Variants in ARAP2 observed in about 807,000 individuals in gnomAD.
ARAP2 encodes the protein arf-GAP with Rho-GAP domain, ANK repeat and PH domain-containing protein 2.
Under a neutral mutation model 194.5 loss-of-function variants are expected in ARAP2, and 148 were observed. The observed-to-expected ratio is 0.76, with a 90% confidence interval of 0.67 to 0.87. ARAP2 has a LOEUF of 0.87. ARAP2 is among the 40% of genes least tolerant of loss of function. The probability of loss-of-function intolerance (pLI) is 0.00; values close to 1 mark genes in which losing one functional copy is unlikely to be tolerated. For synonymous variants in ARAP2, 695 were observed against 683.5 expected (o/e 1.02, Z -0.26); for missense variants, 2,128 against 1,989.7 (o/e 1.07, Z -1.32).
chr4:36,198,907 G>A (rs1336235905), intron 6 of ARAP2, among the ~76,000 whole-genome samples: 3 of 152,210 alleles, frequency 2.0e-5, no homozygotes, highest in African/African-American at 4.8e-5. Context: ...AGAGCACAGG[G>A]AGGCCTGGAC....
intron 1 of ARAP2, among the ~76,000 whole-genome samples, chr4:36,235,930 G>C (rs187760715): frequency 6.6e-6 from 1 of 152,018 alleles, no homozygotes; most frequent in African/African-American, 2.4e-5. Context: ...TAATTGCAGC[G>C]CTTTGGGAGG....
intron 6 of ARAP2, among the ~76,000 whole-genome samples, chr4:36,196,192 T>C (rs990847741): frequency 6.6e-6 from 1 of 152,236 alleles, no homozygotes; most frequent in African/African-American, 2.4e-5. Flanking sequence ...TAAGATTAAC[T>C]GCAGCCACTC....
chr4:36,194,076 CT>C (rs759287230), intron 6 of ARAP2, among the ~76,000 whole-genome samples: 4 of 152,082 alleles, frequency 2.6e-5, no homozygotes, highest in Non-Finnish European at 5.9e-5. Flanking sequence ...AATAACAAGG[CT>C]TTGTCAATTG....
At chr4:36,070,176 C>T (rs1726498019) in intron 32 of ARAP2, among the ~76,000 whole-genome samples, 1 of 152,054 alleles carries the variant, frequency 6.6e-6, no homozygotes, top group Admixed American at 6.6e-5. Flanking sequence ...ATTATGTAAC[C>T]TTAAATGAAG....
At chr4:36,200,776 A>C (rs1744203691) in intron 6 of ARAP2, among the ~76,000 whole-genome samples, 1 of 152,218 alleles carries the variant, frequency 6.6e-6, no homozygotes. Flanking sequence ...ACATATATTC[A>C]CTATCCGGCA....
At chr4:36,013,463 A>G (rs565489203) in intron 8 of ARAP2, among the ~76,000 whole-genome samples, 1 of 152,364 alleles carries the variant, frequency 6.6e-6, no homozygotes, top group Admixed American at 6.5e-5. Flanking sequence ...CACTTGAAAT[A>G]ACAGAGTAGA....
At chr4:36,205,428 C>T (rs1745342034) in intron 6 of ARAP2, among the ~76,000 whole-genome samples, 1 of 151,998 alleles carries the variant, frequency 6.6e-6, no homozygotes. Flanking sequence ...TTAAAATAAG[C>T]TATGTACTAC....
At chr4:36,049,125 T>C (rs909436569) in intron 3 of ARAP2, among the ~76,000 whole-genome samples, 3 of 152,110 alleles carry the variant, frequency 2.0e-5, no homozygotes, top group Admixed American at 6.5e-5. Context: ...AATTGTAGCA[T>C]TGTTTTTATC....
In ARAP2 at chr4:36,117,084, G is replaced by T. The variant is rs1721533987; in HGVS notation, c.4015C>A (p.Pro1339Thr). The T allele has an allele frequency of 2.5e-6, 4 of 1,599,154 alleles. No individual in the cohort carries two copies. The highest frequency in any genetic ancestry group is 2.3e-5 in the East Asian group (1 of 43,594). The change falls in exon 25 of 33, where the codon CCC becomes ACC. Residue 1339 changes from proline (P) to threonine (T), a missense_variant. Transcript: ENST00000303965. ...ACCCGAATTATAATACTACAGTCGG[G>T]TTCCTTCCTTTCTACATATACTTCA... Reference protein sequence around the residue: ...LIEVYVERKEPDCSIIIRISP... With the variant: ...LIEVYVERKETDCSIIIRISP...
At position 36,097,691 on chromosome 4, in the gene ARAP2, T is replaced by A. The variant is rs191101745; in HGVS notation, c.4286-5671A>T. Among the ~76,000 whole-genome samples, 27 of 152,166 alleles carry A rather than the reference T, an allele frequency of 1.8e-4. No homozygotes were observed. The East Asian group carries it at 5.1e-3, about 28-fold the overall frequency. On this transcript the variant is annotated intron_variant, in intron 27 of 32. Transcript: ENST00000303965. ...ATGCACTCCCCAAAGCACTAAATTC[T>A]CCCAGAGATAAATCCTAGGATGCAC...
chr4:36,141,216 A>C (rs1474559896), intron 19 of ARAP2, among the ~76,000 whole-genome samples: 1 of 151,658 alleles, frequency 6.6e-6, no homozygotes, highest in East Asian at 1.9e-4. Context: ...ATTCACTAAC[A>C]AGTGATATTT....
chr4:36,088,998 T>A (rs1712746200), intron 28 of ARAP2, among the ~76,000 whole-genome samples: 2 of 152,092 alleles, frequency 1.3e-5, no homozygotes, highest in Admixed American at 1.3e-4. Flanking sequence ...ACATTTAAAG[T>A]AATTGCCTTG....
At position 36,132,721 on chromosome 4, in the gene ARAP2, G is replaced by A. The variant is rs1327530750; in HGVS notation, c.3427+505C>T. Among the ~76,000 whole-genome samples, 10 of 151,724 alleles carry A rather than the reference G, an allele frequency of 6.6e-5. No homozygotes were observed. In the South Asian group the frequency reaches 8.3e-4, roughly 13 times the overall value. The stretch of plus-strand genomic sequence containing the variant: ...ATTCATTGAAATATCTGTTGAAAAT[G>A]AGCACAAATTGTGAAAATTAATAGC... On this transcript the variant is annotated intron_variant, in intron 20 of 32. Transcript: ENST00000303965.
intron 10 of ARAP2, among the ~76,000 whole-genome samples, chr4:36,165,422 A>G (rs1735054819): frequency 6.6e-6 from 1 of 152,182 alleles, no homozygotes; most frequent in African/African-American, 2.4e-5. Flanking sequence ...TTTCCTAAGC[A>G]ATGGTTATGT....
Position 36,150,979 on chromosome 4 carries a change from T to C in ARAP2, c.2818A>G (p.Thr940Ala), listed in dbSNP as rs761932025. ...ATATTAATGGTGCCATTAGGTGTGG[T>C]AGACTTATCATTTTCATAGTAACTC... ...FLSYYENDKS[T>A]TPNGTININE... Residue 940 changes from threonine (T) to alanine (A), a missense_variant, in exon 16 of 33, where the codon ACC becomes GCC. By Grantham distance (58) the Thr-to-Ala change is moderately conservative. Coordinates refer to ENST00000303965, the MANE Select transcript of ARAP2 (RefSeq NM_015230.4). 5.6e-6 allele frequency: 9 copies of C among 1,612,788 alleles called. No homozygotes were observed. Among genetic ancestry groups the C allele is most frequent in the Admixed American group, 3.3e-5 (2 of 59,920 alleles).
At chr4:36,107,260 C>T (rs931246568) in intron 27 of ARAP2, among the ~76,000 whole-genome samples, 4 of 151,900 alleles carry the variant, frequency 2.6e-5, no homozygotes, top group African/African-American at 9.7e-5. Flanking sequence ...ATGACTTGCC[C>T]TCAGTCTAAA....
chr4:36,185,829 T>G (rs1740415983), intron 8 of ARAP2, among the ~76,000 whole-genome samples: 1 of 150,434 alleles, frequency 6.6e-6, no homozygotes, highest in Admixed American at 6.7e-5. Context: ...CAAAAAAAAA[T>G]TAGCTGGGCG....
intron 27 of ARAP2, among the ~76,000 whole-genome samples, chr4:36,102,479 T>G (rs1442708960): frequency 6.6e-6 from 1 of 152,010 alleles, no homozygotes; most frequent in Non-Finnish European, 1.5e-5. Context: ...TTTTTAAAGT[T>G]TATTCAATAT....
intron 6 of ARAP2, among the ~76,000 whole-genome samples, chr4:36,018,636 CTGAT>C (rs1441185511): frequency 6.6e-6 from 1 of 152,098 alleles, no homozygotes; most frequent in African/African-American, 2.4e-5. Flanking sequence ...ATGAGTAAGA[CTGAT>C]TATTTTCTCC....
Sources: allele counts gnomAD v4.1 joint callset (sites outside exome capture counted in the v4.1 genomes callset), GRCh38; gene constraint gnomAD v4.1.1; transcripts MANE v1.5; gene names NCBI Gene and HGNC (gene_info 2026-07-23, HGNC 2026-07-21).